The following ICE2 variants were observed in gnomAD, a reference collection of about 807,000 sequenced individuals.
ICE2 encodes the protein little elongation complex subunit 2.
In ICE2, 87 loss-of-function variants were observed where a neutral mutation model predicts 105.4. The ratio of observed to expected loss-of-function variants is 0.83; its 90% CI spans 0.69 to 0.99. The LOEUF (loss-of-function observed/expected upper bound fraction) is 0.99, where lower values mean the gene tolerates loss of function less well. Among genes scored for constraint, ICE2 ranks in the 50% least tolerant of loss-of-function variants. ICE2 has a pLI of 0.00. For missense variants in ICE2, 1,323 were observed against 1,146.7 expected (o/e 1.15, Z -2.22); for synonymous variants, 399 against 392.0 (o/e 1.02, Z -0.21).
At chr15:60,426,490 A>G (rs2063340795) in intron 15 of ICE2, among the ~76,000 whole-genome samples, 1 of 152,324 alleles carries the variant, frequency 6.6e-6, no homozygotes, top group East Asian at 1.9e-4. Context: ...CTAGTGCTGC[A>G]TTTCTCAGAA....
chr15:60,470,043 A>C (rs557698378), intron 3 of ICE2, among the ~76,000 whole-genome samples: 2 of 152,198 alleles, frequency 1.3e-5, no homozygotes, highest in Non-Finnish European at 2.9e-5. Flanking sequence ...CCACAGAGGA[A>C]GGGAAACTAA....
In ICE2 at chr15:60,455,108, T is replaced by G. The variant is rs1407536045; in HGVS notation, c.838A>C (p.Ile280Leu). ...EKLVSRYHPQ[I>L]ALTSQSLFTL... is the part of the protein sequence containing the mutation. ...AATAATGACTGACTAGTTAGAGCTA[T>G]CTGAGGGTGATATCTGGAAACAAGC... The change falls in exon 8 of 16, where the codon ATA becomes CTA. Residue 280 changes from isoleucine (I) to leucine (L), a missense_variant. By Grantham distance (5) the Ile-to-Leu change is conservative. Transcript: ENST00000261520. 6.3e-7 allele frequency: 1 copy of G among 1,598,356 alleles called. No individual in the cohort carries two copies. The highest frequency in any genetic ancestry group is 1.1e-5 in the South Asian group (1 of 87,270).
intron 9 of ICE2, 194 bp downstream of exon 9, chr15:60,453,409 A>G: frequency 7.3e-7 from 1 of 1,373,256 alleles, no homozygotes; most frequent in African/African-American, 1.5e-5. Flanking sequence ...CCTTTCATGT[A>G]TGAAAGGAGA....
rs2063388795 is a variant in ICE2, at chr15:60,428,616, T to C, written c.2633A>G (p.Asp878Gly). 6.2e-7 allele frequency: 1 copy of C among 1,614,056 alleles called. No homozygotes were observed. The highest frequency in any genetic ancestry group is 1.3e-5 in the African/African-American group (1 of 74,924). Residue 878 changes from aspartate to glycine, a missense_variant, in exon 15 of 16, where the codon GAT becomes GGT. Physicochemically the swap from Asp to Gly is moderately conservative, Grantham distance 94 (BLOSUM62 -1). Transcript: ENST00000261520. The part of the protein sequence containing the change: ...DSSLLIYKAS[D>G]GKVTRTAYNL... Reference sequence around the variant, plus strand: ...GTATGCTGTCCTAGTAACTTTTCCATCAGAGGCCTTATAAATCAGGAGTGA... The same window carrying C: ...GTATGCTGTCCTAGTAACTTTTCCACCAGAGGCCTTATAAATCAGGAGTGA...
chr15:60,432,841 G>A (rs1010204039), intron 13 of ICE2, among the ~76,000 whole-genome samples: 3 of 152,018 alleles, frequency 2.0e-5, no homozygotes, highest in East Asian at 2.0e-4. Flanking sequence ...GCAGTGAGCC[G>A]AGATGGCGTT....
chr15:60,449,904 T>C, intron 9 of ICE2, 63 bp from the exon 10 acceptor site: 1 of 1,170,730 alleles, frequency 8.5e-7, no homozygotes, highest in Non-Finnish European at 1.2e-6. Context: ...TATCTCTTAA[T>C]GTCCCTATCC....
intron 5 of ICE2, 27 bp downstream of exon 5, chr15:60,466,567 T>G: frequency 6.2e-7 from 1 of 1,606,964 alleles, no homozygotes; most frequent in Non-Finnish European, 8.5e-7. Context: ...ACTTCGCAAT[T>G]TACACAAATG....
intron 12 of ICE2, chr15:60,441,207 T>C (rs1218283765): frequency 6.6e-6 from 1 of 152,096 alleles, no homozygotes; most frequent in African/African-American, 2.4e-5. Flanking sequence ...AGAATGAAAA[T>C]TACTACAAAA....
intron 9 of ICE2, 157 bp downstream of exon 9, chr15:60,453,446 A>AGTTGCC: frequency 7.2e-7 from 1 of 1,396,222 alleles, no homozygotes; most frequent in Non-Finnish European, 9.4e-7. Flanking sequence ...AGGTTAAGTT[A>AGTTGCC]GTTGCCTAAA....
At chr15:60,465,564 C>G (rs984929738) in intron 5 of ICE2, among the ~76,000 whole-genome samples, 1 of 151,882 alleles carries the variant, frequency 6.6e-6, no homozygotes, top group Non-Finnish European at 1.5e-5. Context: ...TTTTAAGCTA[C>G]GGTAAAATTT....
intron 15 of ICE2, among the ~76,000 whole-genome samples, chr15:60,426,713 A>T (rs773880791): frequency 1.3e-5 from 2 of 152,142 alleles, no homozygotes; most frequent in Non-Finnish European, 2.9e-5. Flanking sequence ...TTTTCCTTTC[A>T]CTTAAAGTTG....
chr15:60,447,703 T>C, intron 11 of ICE2: 1 of 244,218 alleles, frequency 4.1e-6, no homozygotes, highest in Non-Finnish European at 7.8e-6. Context: ...TTTTCAAACT[T>C]TGGAGCATTT....
At position 60,449,052 on chromosome 15, in the gene ICE2, A is replaced by G. The variant is rs748024925; in HGVS notation, c.1915T>C (p.Tyr639His). ...TCTCCAACTGGATCAAATTTTTTAT[A>G]TACTCGTTTGATAGGTTTTTTTAAA... ...CVLKKPIKRV[Y>H]KKFDPVGEIL... is the part of the protein sequence containing the mutation. Residue 639 changes from tyrosine (Y) to histidine (H), a missense_variant, in exon 10 of 16, where the codon TAT becomes CAT. Transcript: ENST00000261520. The G allele has an allele frequency of 1.9e-6, 3 of 1,613,046 alleles. No individual in the cohort carries two copies. The highest frequency in any genetic ancestry group is 1.1e-5 in the South Asian group (1 of 90,980).
intron 3 of ICE2, among the ~76,000 whole-genome samples, chr15:60,471,886 T>A (rs923252182): frequency 6.6e-6 from 1 of 152,092 alleles, no homozygotes; most frequent in Non-Finnish European, 1.5e-5. Context: ...CATTTGGAAA[T>A]GGTGCTTCTA....
In ICE2 at chr15:60,449,136, C is replaced by G. The variant is rs1199678877; in HGVS notation, c.1831G>C (p.Gly611Arg). The change falls in exon 10 of 16, where the codon GGA (glycine) becomes CGA (arginine). Residue 611 changes from glycine to arginine, a missense_variant. Coordinates refer to ENST00000261520, the MANE Select transcript of ICE2 (RefSeq NM_024611.6). ...SRPASPNSSS[G>R]QASVGNQTNT... ...GTCTGGTTTCCTACAGAAGCCTGTC[C>G]TGAGGAAGAATTTGGACTAGCTGGT... The G allele has an allele frequency of 1.2e-6, 2 of 1,613,938 alleles. No individual in the cohort carries two copies. Among genetic ancestry groups the G allele is most frequent in the South Asian group, 2.2e-5 (2 of 91,082 alleles).
At position 60,468,123 on chromosome 15, in the gene ICE2, C is replaced by T. The variant is rs745504003; in HGVS notation, c.346G>A (p.Ala116Thr). The T allele has an allele frequency of 1.7e-5, 27 of 1,613,702 alleles. No homozygotes were observed. The highest frequency in any genetic ancestry group is 1.7e-4 in the Middle Eastern group (1 of 6,056). Residue 116 changes from alanine to threonine, a missense_variant, in exon 4 of 16, where the codon GCA becomes ACA. Transcript: ENST00000261520. ...RSYVDLLVKY[A>T]KIPANSKAVG... ...GCTTTGGAATTTGCAGGAATCTTTG[C>T]GTATTTAACCAACAAGTCCACATAA...
chr15:60,456,312 G>A lies in ICE2; in HGVS notation c.666+345C>T, dbSNP rs2141093770. Among the ~76,000 whole-genome samples, 5 of 150,718 alleles carry A rather than the reference G, an allele frequency of 3.3e-5. 1 individual carries two copies. In the South Asian group the frequency reaches 1.1e-3, roughly 32 times the overall value. On this transcript the variant is annotated intron_variant, in intron 6 of 15. Coordinates refer to ENST00000261520, the MANE Select transcript of ICE2 (RefSeq NM_024611.6). ...AATCCCAGCACTTTGGGAGGCTAAG[G>A]CAGGTGGATCACCTGAGGTCAGGAG...
intron 13 of ICE2, 90 bp from the exon 14 acceptor site, chr15:60,432,074 TAAC>T (rs1314094287): frequency 1.9e-5 from 11 of 588,708 alleles, no homozygotes; most frequent in African/African-American, 3.8e-5. Flanking sequence ...ATGCCCTCAA[TAAC>T]AACAACAAAA....
At position 60,453,893 on chromosome 15, in the gene ICE2, T is replaced by A. The variant is rs1470049376; in HGVS notation, c.944-109A>T. 6.2e-6 allele frequency: 5 copies of A among 802,080 alleles called. No individual in the cohort carries two copies. The Admixed American group carries it at 1.2e-4, about 20-fold the overall frequency. 49.7% of individuals were successfully genotyped at this position (802,080 alleles called of 1,614,324 possible). On this transcript the variant is annotated intron_variant, in intron 8 of 15. Coordinates refer to ENST00000261520, the MANE Select transcript of ICE2 (RefSeq NM_024611.6). Reference sequence around the variant, plus strand: ...CACCAAACAAAGAGACACAGGAGAATGGCAGCACATGTCCCATATATTTGC... The same window carrying A: ...CACCAAACAAAGAGACACAGGAGAAAGGCAGCACATGTCCCATATATTTGC...
Sources: gnomAD v4.1 joint callset for allele counts (sites outside exome capture counted in the v4.1 genomes callset) on GRCh38, gnomAD v4.1.1 for gene constraint, MANE v1.5 for transcripts, NCBI Gene and HGNC (gene_info 2026-07-23, HGNC 2026-07-21) for gene names.